Variants in DCDC2 observed in about 807,000 individuals in gnomAD.
The protein encoded by DCDC2 is doublecortin domain containing 2.
Under a neutral mutation model 50.2 loss-of-function variants are expected in DCDC2, and 40 were observed. The ratio of observed to expected loss-of-function variants is 0.80; its 90% CI spans 0.62 to 1.04. The LOEUF is 1.04. Ranked by LOEUF, DCDC2 falls within the 50% of genes least tolerant of loss-of-function variation. The pLI is 0.00. For missense variants in DCDC2, 570 were observed against 581.9 expected, an observed-to-expected ratio of 0.98 and a Z score of 0.21; for synonymous variants, 234 against 210.6, an observed-to-expected ratio of 1.11 and a Z score of -0.96.
chr6:24,291,144 C>A (rs1763736158), intron 4 of DCDC2, 66 bp from the exon 5 acceptor site: 4 of 1,494,596 alleles, frequency 2.7e-6, no homozygotes, highest in African/African-American at 1.4e-5. Context: ...CTTAAGATTA[C>A]AAAGTATTCT....
chr6:24,321,169 C>T (rs2153657), intron 2 of DCDC2, among the ~76,000 whole-genome samples: 121,927 of 151,970 alleles, frequency 0.8, 49,217 homozygotes, highest in Non-Finnish European at 0.84. Context: ...AATTCTTCCA[C>T]ATAGAAGAAT....
intron 7 of DCDC2, among the ~76,000 whole-genome samples, chr6:24,259,759 T>C (rs1762971095): frequency 6.6e-6 from 1 of 152,162 alleles, no homozygotes. Flanking sequence ...GTCTCAGCAG[T>C]CAGATTTAAC....
chr6:24,353,091 C>G (rs1440837006), intron 2 of DCDC2: 2 of 298,202 alleles, frequency 6.7e-6, no homozygotes, highest in African/African-American at 4.5e-5. Context: ...TCGATAGAAG[C>G]TAAAACACAG....
At chr6:24,237,617 C>G (rs907475090) in intron 7 of DCDC2, among the ~76,000 whole-genome samples, 1 of 152,160 alleles carries the variant, frequency 6.6e-6, no homozygotes, top group South Asian at 2.1e-4. Flanking sequence ...GACATATGTA[C>G]TTGTATGTTC....
chr6:24,312,442 G>A (rs1158318753), intron 2 of DCDC2, among the ~76,000 whole-genome samples: 2 of 150,396 alleles, frequency 1.3e-5, no homozygotes, highest in Admixed American at 6.6e-5. Context: ...TCTCTTTACC[G>A]GCATTGTTAT....
intron 5 of DCDC2, among the ~76,000 whole-genome samples, chr6:24,289,834 T>C (rs1561760383): frequency 6.6e-6 from 1 of 152,178 alleles, no homozygotes; most frequent in African/African-American, 2.4e-5. Flanking sequence ...TCTGCTCTAC[T>C]TCTGCGGACG....
At chr6:24,215,540 A>T (rs1016961177) in intron 7 of DCDC2, among the ~76,000 whole-genome samples, 1 of 152,134 alleles carries the variant, frequency 6.6e-6, no homozygotes, top group Non-Finnish European at 1.5e-5. Flanking sequence ...CCTAGGACTG[A>T]TATTGCTGAG....
intron 8 of DCDC2, among the ~76,000 whole-genome samples, chr6:24,200,843 A>G (rs1761571311): frequency 6.6e-6 from 1 of 151,924 alleles, no homozygotes; most frequent in Non-Finnish European, 1.5e-5. Context: ...AAAAAAAAAA[A>G]CCAGGGGTTG....
At chr6:24,185,680 CATACACAT>C in intron 8 of DCDC2, among the ~76,000 whole-genome samples, 1 of 99,866 alleles carries the variant, frequency 1.0e-5, no homozygotes, top group East Asian at 3.0e-4. Flanking sequence ...TACACCCATC[CATACACAT>C]ACACACACAC....
the DCDC2 span, among the ~76,000 whole-genome samples, chr6:24,379,447 T>C: frequency 6.6e-6 from 1 of 152,168 alleles, no homozygotes; most frequent in African/African-American, 2.4e-5. Flanking sequence ...AAAATGCTGA[T>C]CATCACTGGT....
At chr6:24,236,282 C>T (rs1342482567) in intron 7 of DCDC2, among the ~76,000 whole-genome samples, 1 of 152,124 alleles carries the variant, frequency 6.6e-6, no homozygotes, top group Admixed American at 6.5e-5. Context: ...AAGCTGCACA[C>T]CTATAGCCAT....
Position 24,227,589 on chromosome 6 carries a change from C to T in DCDC2, c.923-22487G>A, listed in dbSNP as rs74407645. 9.6e-3 allele frequency among the ~76,000 whole-genome samples: 1,463 copies of T among 152,304 alleles called. 11 individuals carry two copies. Among genetic ancestry groups the T allele is most frequent in the African/African-American group, 0.019 (793 of 41,562 alleles). ...CAGGCCATAGCCATGCCCACAGGTC[C>T]TATCTGCCAGGTGTTCCCTGCTCCT... On this transcript the variant is annotated intron_variant, in intron 7 of 9. Transcript: ENST00000378454.
the DCDC2 span, among the ~76,000 whole-genome samples, chr6:24,371,292 A>G: frequency 3.3e-5 from 4 of 120,276 alleles, no homozygotes; most frequent in African/African-American, 1.2e-4. Flanking sequence ...AAAAAAAAAA[A>G]AGAAAAGAAA....
chr6:24,275,017 C>A (rs1462593818), intron 7 of DCDC2, among the ~76,000 whole-genome samples: 4 of 150,408 alleles, frequency 2.7e-5, no homozygotes, highest in Admixed American at 2.6e-4. Flanking sequence ...TAAATTTTAT[C>A]TCTAAAACCA....
chr6:24,286,592 CAA>C (rs542275916), intron 6 of DCDC2, among the ~76,000 whole-genome samples: 13 of 121,758 alleles, frequency 1.1e-4, no homozygotes, highest in Non-Finnish European at 1.1e-4. Flanking sequence ...GACCCTGTCT[CAA>C]AAAAAAAAAA....
At chr6:24,219,408 T>G (rs1762051056) in intron 7 of DCDC2, among the ~76,000 whole-genome samples, 1 of 152,206 alleles carries the variant, frequency 6.6e-6, no homozygotes. Context: ...ACGGAGATAT[T>G]TTCAAGTTCA....
intron 7 of DCDC2, among the ~76,000 whole-genome samples, chr6:24,242,677 G>A (rs1039731211): frequency 3.9e-5 from 6 of 152,178 alleles, no homozygotes; most frequent in African/African-American, 1.4e-4. Flanking sequence ...CAGGAAGAAA[G>A]ATGGTTGGGC....
intron 7 of DCDC2, among the ~76,000 whole-genome samples, chr6:24,262,856 C>G (rs1763042338): frequency 6.6e-6 from 1 of 152,228 alleles, no homozygotes; most frequent in African/African-American, 2.4e-5. Flanking sequence ...GACTGAACAG[C>G]CCCTGGGCCT....
chr6:24,357,592 G>T lies in DCDC2; in HGVS notation c.159C>A (p.Gly53=), dbSNP rs1257411402. The change falls in exon 1 of 10, where the codon GGC becomes GGA. Residue 53 remains glycine (G), a synonymous_variant. Coordinates refer to ENST00000378454, the MANE Select transcript of DCDC2 (RefSeq NM_016356.5). ...SFEVFLKEVT[G]GVQAPFGAVR... is the part of the protein sequence containing the mutation. ...CGGCCCCAAAGGGTGCCTGAACGCC[G>T]CCGGTCACCTCCTTCAGGAAGACTT... The T allele has an allele frequency of 3.1e-6, 5 of 1,613,482 alleles. No individual in the cohort carries two copies. The highest frequency in any genetic ancestry group is 4.2e-6 in the Non-Finnish European group (5 of 1,180,034).
Sources: gnomAD v4.1 joint callset for allele counts (sites outside exome capture counted in the v4.1 genomes callset) on GRCh38, gnomAD v4.1.1 for gene constraint, MANE v1.5 for transcripts, NCBI Gene and HGNC (gene_info 2026-07-23, HGNC 2026-07-21) for gene names.